The following TCERG1L variants were observed in gnomAD, a reference collection of about 807,000 sequenced individuals.
The protein encoded by TCERG1L is transcription elongation regulator 1 like, also known as transcription elongation regulator 1-like protein.
TCERG1L carries 37 observed loss-of-function variants against 56.3 expected under a neutral mutation model. The observed-to-expected ratio is 0.66, with a 90% CI of 0.51 to 0.87. The LOEUF (loss-of-function observed/expected upper bound fraction) is 0.87, where lower values mean the gene tolerates loss of function less well. Among genes scored for constraint, TCERG1L ranks in the 40% least tolerant of loss-of-function variants. The probability of loss-of-function intolerance (pLI) is 0.00; values close to 1 mark genes in which losing one functional copy is unlikely to be tolerated. For synonymous variants in TCERG1L, 324 were observed against 326.3 expected (o/e 0.99, Z 0.08); for missense variants, 799 against 774.2 (o/e 1.03, Z -0.38).
At chr10:131,241,570 C>A (rs1359469836) in intron 4 of TCERG1L, among the ~76,000 whole-genome samples, 1 of 151,472 alleles carries the variant, frequency 6.6e-6, no homozygotes, top group African/African-American at 2.4e-5. Flanking sequence ...AGAGGACATG[C>A]ATGAACACAG....
rs10128327 is a variant in TCERG1L, at chr10:131,229,021, A to C, written c.856+31238T>G. On this transcript the variant is annotated intron_variant, in intron 4 of 11. Coordinates refer to ENST00000368642, the MANE Select transcript of TCERG1L (RefSeq NM_174937.4). ...ATTCCTCAAGGTCTCTGGAGTCTCC[A>C]CTCCAGAAAGGCATTTCCTCAAGGC... 7.9e-4 allele frequency among the ~76,000 whole-genome samples: 34 copies of C among 43,018 alleles called. 4 individuals are homozygous for C. Among genetic ancestry groups the C allele is most frequent in the Admixed American group, 1.9e-3 (6 of 3,206 alleles). 28.2% of individuals were successfully genotyped at this position (43,018 alleles called of 152,430 possible).
At chr10:131,256,067 T>C (rs563016515) in intron 4 of TCERG1L, among the ~76,000 whole-genome samples, 1 of 152,336 alleles carries the variant, frequency 6.6e-6, no homozygotes, top group Admixed American at 6.5e-5. Context: ...AATCTTGAGG[T>C]ATAAGCAATT....
At chr10:131,122,547 G>A (rs1475481995) in intron 8 of TCERG1L, among the ~76,000 whole-genome samples, 2 of 152,228 alleles carry the variant, frequency 1.3e-5, no homozygotes, top group Non-Finnish European at 2.9e-5. Flanking sequence ...CTGGCAGCAA[G>A]ACAAATGCAG....
chr10:131,280,873 A>G (rs1846444312), intron 3 of TCERG1L, among the ~76,000 whole-genome samples: 1 of 152,118 alleles, frequency 6.6e-6, no homozygotes, highest in Non-Finnish European at 1.5e-5. Flanking sequence ...TGGGAACCCA[A>G]GCGACTGTCC....
At position 131,108,612 on chromosome 10, in the gene TCERG1L, C is replaced by T. The variant is rs958898475; in HGVS notation, c.1396-4258G>A. Among the ~76,000 whole-genome samples the T allele has an allele frequency of 4.6e-5, 7 of 152,210 alleles. No individual in the cohort carries two copies. In the East Asian group the frequency reaches 7.7e-4, roughly 17 times the overall value. On this transcript the variant is annotated intron_variant, in intron 9 of 11. Transcript: ENST00000368642. Reference sequence around the variant, plus strand: ...ATCTCCTTCACATCTTAGTTTCTATCGCTGCATAAGCAACGACTTCAAACT... The same window carrying T: ...ATCTCCTTCACATCTTAGTTTCTATTGCTGCATAAGCAACGACTTCAAACT...
At chr10:131,180,579 A>G (rs1845162721) in intron 4 of TCERG1L, among the ~76,000 whole-genome samples, 1 of 152,208 alleles carries the variant, frequency 6.6e-6, no homozygotes, top group Non-Finnish European at 1.5e-5. Context: ...TGTAGAAGAA[A>G]GAGAATTTCA....
At chr10:131,214,872 T>C (rs1297214665) in intron 4 of TCERG1L, among the ~76,000 whole-genome samples, 3 of 152,236 alleles carry the variant, frequency 2.0e-5, no homozygotes, top group Non-Finnish European at 4.4e-5. Context: ...AATTTACTTA[T>C]TTAATAAGCA....
intron 4 of TCERG1L, among the ~76,000 whole-genome samples, chr10:131,250,023 A>C (rs1846089507): frequency 6.6e-6 from 1 of 152,186 alleles, no homozygotes; most frequent in South Asian, 2.1e-4. Flanking sequence ...AGCCAGGGAC[A>C]CCCTGGAGGA....
chr10:131,292,317 T>C (rs775021408), intron 3 of TCERG1L, among the ~76,000 whole-genome samples: 82 of 152,232 alleles, frequency 5.4e-4, no homozygotes, highest in Admixed American at 1.1e-3. Context: ...ATTGATGGGA[T>C]ATTGTTTTTC....
intron 3 of TCERG1L, among the ~76,000 whole-genome samples, chr10:131,281,451 G>T: frequency 6.6e-6 from 1 of 152,094 alleles, no homozygotes; most frequent in East Asian, 1.9e-4. Flanking sequence ...TACCTGAAAT[G>T]AATGCTTACT....
At chr10:131,094,478 A>G (rs1419784046) in intron 11 of TCERG1L, among the ~76,000 whole-genome samples, 1 of 152,250 alleles carries the variant, frequency 6.6e-6, no homozygotes, top group African/African-American at 2.4e-5. Flanking sequence ...GTTAGAAGAC[A>G]AGACAAATAA....
intron 4 of TCERG1L, among the ~76,000 whole-genome samples, chr10:131,170,878 T>A (rs916741319): frequency 6.6e-6 from 1 of 152,148 alleles, no homozygotes; most frequent in African/African-American, 2.4e-5. Flanking sequence ...CCGGGCGCCG[T>A]GGCTCACACC....
intron 4 of TCERG1L, among the ~76,000 whole-genome samples, chr10:131,227,007 G>A (rs1228155066): frequency 6.6e-6 from 1 of 152,246 alleles, no homozygotes; most frequent in Non-Finnish European, 1.5e-5. Context: ...CAGGGAGGCG[G>A]CCCCCTCGCA....
intron 9 of TCERG1L, among the ~76,000 whole-genome samples, chr10:131,105,576 A>G (rs6482850): frequency 0.66 from 100,693 of 151,650 alleles, 33,434 homozygotes; most frequent in East Asian, 0.72. Context: ...TTCTGGAGGC[A>G]GGAGGTGATG....
At chr10:131,255,412 C>T (rs574063168) in intron 4 of TCERG1L, among the ~76,000 whole-genome samples, 4 of 152,338 alleles carry the variant, frequency 2.6e-5, no homozygotes, top group Admixed American at 6.5e-5. Flanking sequence ...AATGCATATG[C>T]ATATGGTAAA....
chr10:131,123,559 A>C lies in TCERG1L; in HGVS notation c.1260-6625T>G, dbSNP rs368077743. ...TGCTCAGAGGTCTGCGAGGATGCAG[A>C]TCCTGATGTCTCCTCATCCATGGCA... On this transcript the variant is annotated intron_variant, in intron 8 of 11. Transcript: ENST00000368642. Among the ~76,000 whole-genome samples the C allele has an allele frequency of 3.9e-5, 6 of 152,288 alleles. No individual in the cohort carries two copies. The East Asian group carries it at 7.8e-4, about 20-fold the overall frequency.
intron 11 of TCERG1L, among the ~76,000 whole-genome samples, chr10:131,093,740 T>C (rs1845210558): frequency 6.6e-6 from 1 of 152,182 alleles, no homozygotes. Flanking sequence ...CCCTTGTTTC[T>C]TCCCCCAGTT....
At chr10:131,177,714 C>T (rs1845118975) in intron 4 of TCERG1L, among the ~76,000 whole-genome samples, 2 of 152,104 alleles carry the variant, frequency 1.3e-5, no homozygotes, top group Non-Finnish European at 1.5e-5. Flanking sequence ...CACCCTCTTC[C>T]GAGTCCGGCA....
chr10:131,225,941 A>G (rs1242653537), intron 4 of TCERG1L, among the ~76,000 whole-genome samples: 2 of 152,150 alleles, frequency 1.3e-5, no homozygotes, highest in Non-Finnish European at 2.9e-5. Context: ...TCCTTCAAGT[A>G]TTTACGTATT....
Sources: gnomAD v4.1 joint callset for allele counts (sites outside exome capture counted in the v4.1 genomes callset) on GRCh38, gnomAD v4.1.1 for gene constraint, MANE v1.5 for transcripts, NCBI Gene and HGNC (gene_info 2026-07-23, HGNC 2026-07-21) for gene names.